The following CCDC39 variants were observed in gnomAD, a reference collection of about 807,000 sequenced individuals.
The protein encoded by CCDC39 is coiled-coil domain-containing protein 39.
In CCDC39, 113 loss-of-function variants were observed where a neutral mutation model predicts 121.0. The ratio of observed to expected loss-of-function variants is 0.93; its 90% CI spans 0.80 to 1.09. The LOEUF (loss-of-function observed/expected upper bound fraction) is 1.09. Among genes scored for constraint, CCDC39 ranks in the 50% least tolerant of loss-of-function variants. CCDC39 has a pLI of 0.00. For synonymous variants in CCDC39, 349 were observed against 352.2 expected, an observed-to-expected ratio of 0.99 and a Z score of 0.10; for missense variants, 1,063 against 1,074.7, an observed-to-expected ratio of 0.99 and a Z score of 0.15.
rs1711546260 is a variant in CCDC39 at position 180,654,913 on chromosome 3, T to C, written c.779A>G (p.Asn260Ser). 6.3e-7 allele frequency: 1 copy of C among 1,585,592 alleles called. No individual in the cohort carries two copies. Among genetic ancestry groups the C allele is most frequent in the Non-Finnish European group, 8.6e-7 (1 of 1,169,482 alleles). Residue 260 changes from asparagine (N) to serine (S), a missense_variant, in exon 7 of 20, where the codon AAT becomes AGT. Transcript: ENST00000476379. ...RIKQETREKE[N>S]LVKEKIKFLE... ...AAACTTGATCTTTTCTTTAACCAAA[T>C]TTTCTTTTTCTCTCGTTTCCTGCTT...
rs747000468 is a variant in CCDC39, at chr3:180,616,866, G to A, written c.2366C>T (p.Thr789Met). The change falls in exon 17 of 20, where the codon ACG becomes ATG. Residue 789 changes from threonine to methionine, a missense_variant. By Grantham distance (81) the Thr-to-Met change is moderately conservative. Coordinates refer to ENST00000476379, the MANE Select transcript of CCDC39 (RefSeq NM_181426.2). ...TTCTAATTTTGGCTTCTGCTCCTCC[G>A]TTTCTTTACTTAGTTGAAATGAATA... ...QAYSFQLSKE[T>M]EEQKPKLERV... is the part of the protein sequence containing the mutation. 3.6e-5 allele frequency: 58 copies of A among 1,605,346 alleles called. No homozygotes were observed. The highest frequency in any genetic ancestry group is 3.3e-4 in the Middle Eastern group (2 of 6,056).
chr3:180,648,579 C>T (rs559981080), intron 9 of CCDC39, among the ~76,000 whole-genome samples: 6 of 152,224 alleles, frequency 3.9e-5, no homozygotes, highest in African/African-American at 1.2e-4. Flanking sequence ...TGTCATACAC[C>T]TTGACCTGTC....
chr3:180,670,577 C>G (rs530490111), intron 1 of CCDC39, among the ~76,000 whole-genome samples: 8 of 151,270 alleles, frequency 5.3e-5, no homozygotes, highest in Admixed American at 1.3e-4. Flanking sequence ...TTCATTTACT[C>G]TAATTCCACA....
At chr3:180,639,625 G>T (rs778462280) in intron 13 of CCDC39, among the ~76,000 whole-genome samples, 6 of 152,020 alleles carry the variant, frequency 3.9e-5, no homozygotes, top group African/African-American at 1.4e-4. Flanking sequence ...GGGGACTTGT[G>T]GGGGGTGGAG....
At chr3:180,631,343 G>C (rs1211161514) in intron 14 of CCDC39, 126 bp downstream of exon 14, 1 of 859,540 alleles carries the variant, frequency 1.2e-6, no homozygotes, top group Non-Finnish European at 1.8e-6. Context: ...AAGTGAAATA[G>C]TTGCTAGATT....
chr3:180,625,893 C>T (rs1246108164), intron 14 of CCDC39, among the ~76,000 whole-genome samples: 2 of 151,912 alleles, frequency 1.3e-5, no homozygotes, highest in Non-Finnish European at 2.9e-5. Context: ...TATCTATTCT[C>T]AGGCCAGAGA....
intron 3 of CCDC39, 66 bp from the exon 4 acceptor site, chr3:180,660,794 A>T (rs781319029): frequency 1.4e-6 from 2 of 1,443,482 alleles, no homozygotes; most frequent in Non-Finnish European, 1.9e-6. Flanking sequence ...AGACTAAAAT[A>T]AAACATACCT....
chr3:180,656,165 G>A lies in CCDC39; in HGVS notation c.739-1212C>T, dbSNP rs116462508. 9.8e-3 allele frequency among the ~76,000 whole-genome samples: 1,488 copies of A among 152,212 alleles called. 30 individuals are homozygous for A. Among genetic ancestry groups the A allele is most frequent in the African/African-American group, 0.031 (1,288 of 41,532 alleles). On this transcript the variant is annotated intron_variant, in intron 6 of 19. Transcript: ENST00000476379. Reference sequence around the variant, plus strand: ...CTGTGTTCATTCACTCAAAAGACACGTCAAAACTTCCTAAGTTTAAATATT... The same window carrying A: ...CTGTGTTCATTCACTCAAAAGACACATCAAAACTTCCTAAGTTTAAATATT...
intron 1 of CCDC39, among the ~76,000 whole-genome samples, chr3:180,678,376 C>G (rs1712293520): frequency 6.6e-6 from 1 of 152,180 alleles, no homozygotes; most frequent in South Asian, 2.1e-4. Flanking sequence ...TTTTTTAGAG[C>G]TGAGAAAACT....
At chr3:180,617,317 T>C (rs1462334703) in intron 16 of CCDC39, 1 of 488,290 alleles carries the variant, frequency 2.0e-6, no homozygotes. Flanking sequence ...TACTTGATAG[T>C]GATAATAAAA....
chr3:180,632,193 A>G (rs553061361), intron 13 of CCDC39, among the ~76,000 whole-genome samples: 25 of 152,196 alleles, frequency 1.6e-4, no homozygotes, highest in Non-Finnish European at 3.2e-4. Flanking sequence ...TGCTATTCAA[A>G]CGTCTTTAAA....
intron 9 of CCDC39, 50 bp downstream of exon 9, chr3:180,651,351 C>G (rs1347246064): frequency 4.1e-6 from 6 of 1,459,334 alleles, no homozygotes; most frequent in Non-Finnish European, 5.6e-6. Context: ...AATTAATTCA[C>G]TGTTGCTAAA....
chr3:180,678,120 A>G (rs1034382452), intron 1 of CCDC39, among the ~76,000 whole-genome samples: 2 of 152,168 alleles, frequency 1.3e-5, no homozygotes, highest in Non-Finnish European at 2.9e-5. Context: ...TAGTTTGTTC[A>G]TCTCCATCTC....
At chr3:180,645,866 G>A (rs1257559639) in intron 11 of CCDC39, among the ~76,000 whole-genome samples, 1 of 152,088 alleles carries the variant, frequency 6.6e-6, no homozygotes, top group Non-Finnish European at 1.5e-5. Flanking sequence ...GATGGAGGGA[G>A]CAGTCAGAGT....
At chr3:180,617,721 A>G in intron 16 of CCDC39, 1 of 383,748 alleles carries the variant, frequency 2.6e-6, no homozygotes, top group Non-Finnish European at 4.6e-6. Context: ...TCATCACAAA[A>G]GAGTAAAAAA....
chr3:180,619,823 C>G lies in CCDC39; in HGVS notation c.2146G>C (p.Val716Leu). ...NNNYKQSFKK[V>L]TPSSDEYELK... is the part of the protein sequence containing the mutation. ...AACTCCTACATACTAGATGGAGTCACTTTTTTAAAAGATTGCTTATAATTG... is the reference window on the plus strand; with the variant it reads ...AACTCCTACATACTAGATGGAGTCAGTTTTTTAAAAGATTGCTTATAATTG... The change falls in exon 15 of 20, where the codon GTG (valine) becomes CTG (leucine). Residue 716 changes from valine to leucine, a missense_variant. Val to Leu is a conservative substitution (Grantham distance 32, BLOSUM62 1). Coordinates refer to ENST00000476379, the MANE Select transcript of CCDC39 (RefSeq NM_181426.2). 2 of 1,587,474 alleles carry G rather than the reference C, an allele frequency of 1.3e-6. No individual in the cohort carries two copies. Among genetic ancestry groups the G allele is most frequent in the Non-Finnish European group, 8.6e-7 (1 of 1,166,380 alleles).
chr3:180,661,802 A>T, intron 3 of CCDC39, 59 bp downstream of exon 3: 1 of 1,465,272 alleles, frequency 6.8e-7, no homozygotes, highest in Non-Finnish European at 9.3e-7. Flanking sequence ...GTCAATGCTC[A>T]TTTGGTGATG....
Position 180,654,753 on chromosome 3 carries a change from T to C in CCDC39, c.930+9A>G, listed in dbSNP as rs188183242. ...AACATACAAGCCAGTCTTTTTTGAG[T>C]TGACATACCTCACCCTTCAGCTGAA... On this transcript the variant is annotated intron_variant, in intron 7 of 19. Coordinates refer to ENST00000476379, the MANE Select transcript of CCDC39 (RefSeq NM_181426.2). The C allele has an allele frequency of 1.1e-4, 172 of 1,590,560 alleles. No homozygotes were observed. In the African/African-American group the frequency reaches 2.2e-3, roughly 20 times the overall value.
chr3:180,670,520 A>C (rs907868097), intron 1 of CCDC39, among the ~76,000 whole-genome samples: 2 of 152,158 alleles, frequency 1.3e-5, no homozygotes, highest in Non-Finnish European at 2.9e-5. Context: ...TTTGATATTC[A>C]GAGGTCCACA....
Sources: gnomAD v4.1 joint callset for allele counts (sites outside exome capture counted in the v4.1 genomes callset) on GRCh38, gnomAD v4.1.1 for gene constraint, MANE v1.5 for transcripts, NCBI Gene and HGNC (gene_info 2026-07-23, HGNC 2026-07-21) for gene names.